Variants in AGK observed in about 807,000 individuals in gnomAD.
AGK encodes acylglycerol kinase, mitochondrial.
Under a neutral mutation model 66.4 loss-of-function variants are expected in AGK, and 52 were observed. The ratio of observed to expected loss-of-function variants is 0.78; its 90% confidence interval spans 0.63 to 0.99. The LOEUF (loss-of-function observed/expected upper bound fraction) is 0.99. Among genes scored for constraint, AGK ranks in the 50% least tolerant of loss-of-function variants. The pLI, the probability that AGK is intolerant of heterozygous loss-of-function variation, is 0.00. For missense variants in AGK, 451 were observed against 506.6 expected (o/e 0.89, Z 1.05); for synonymous variants, 182 against 181.1 (o/e 1.00, Z -0.04).
At chr7:141,593,056 C>A (rs1398983701) in intron 2 of AGK, 90 bp from the exon 3 acceptor site, 7 of 1,061,828 alleles carry the variant, frequency 6.6e-6, no homozygotes, top group African/African-American at 4.8e-5. Context: ...AGAAGAGGTG[C>A]CTATATTAAA....
chr7:141,621,779 CA>C lies in AGK; in HGVS notation c.567del (p.Asp191MetfsTer16). 1 of 1,613,316 alleles carries C rather than the reference CA, an allele frequency of 6.2e-7. No individual in the cohort carries two copies. The highest frequency in any genetic ancestry group is 2.2e-5 in the East Asian group (1 of 44,868). Reference sequence around the variant, plus strand: ...GCCATTGTGAAAGGAGAGACAGTTCCACTTGATGTCTTGCAGATCAAGGTAA... The same window carrying C: ...GCCATTGTGAAAGGAGAGACAGTTCCCTTGATGTCTTGCAGATCAAGGTAA... ...TLAIVKGETVPLDVLQIKGEK... is the reference protein window; with the variant it reads ...TLAIVKGETVXLDVLQIKGEK... On this transcript the variant is annotated frameshift_variant, in exon 9 of 16. Transcript: ENST00000649286. LOFTEE classifies it high-confidence loss of function.
intron 2 of AGK, among the ~76,000 whole-genome samples, chr7:141,571,865 G>C (rs998543915): frequency 6.6e-6 from 1 of 152,138 alleles, no homozygotes; most frequent in African/African-American, 2.4e-5. Flanking sequence ...CACAAAGAAA[G>C]CTCTCAGACA....
chr7:141,601,241 G>T lies in AGK; in HGVS notation c.258G>T (p.Pro86=), dbSNP rs773960062. The T allele has an allele frequency of 6.2e-7, 1 of 1,612,786 alleles. No homozygotes were observed. Among genetic ancestry groups the T allele is most frequent in the East Asian group, 2.2e-5 (1 of 44,782 alleles). The change falls in exon 5 of 16, where the codon CCG becomes CCT. Residue 86 remains proline, a synonymous_variant. Transcript: ENST00000649286. The part of the protein sequence containing the change: ...ARTLFEKNAA[P]ILHLSGMDVT... ...CTCTATTTGAAAAAAATGCTGCCCCGATTTTACATTTATCTGGCATGGATG... is the reference window on the plus strand; with the variant it reads ...CTCTATTTGAAAAAAATGCTGCCCCTATTTTACATTTATCTGGCATGGATG...
At chr7:141,639,408 A>G (rs563171668) in intron 11 of AGK, among the ~76,000 whole-genome samples, 1 of 152,308 alleles carries the variant, frequency 6.6e-6, no homozygotes, top group South Asian at 2.1e-4. Flanking sequence ...GAAAAAGAAA[A>G]GAATGTGAGG....
At chr7:141,582,769 G>A (rs756709497) in intron 2 of AGK, among the ~76,000 whole-genome samples, 47 of 151,962 alleles carry the variant, frequency 3.1e-4, no homozygotes, top group Middle Eastern at 3.4e-3. Context: ...GCCATGGAAC[G>A]AAACTGTAAG....
At chr7:141,651,762 C>T (rs1354478268) in intron 15 of AGK, among the ~76,000 whole-genome samples, 153 bp downstream of exon 15, 2 of 152,110 alleles carry the variant, frequency 1.3e-5, no homozygotes, top group Non-Finnish European at 1.5e-5. Context: ...GTCATATTAG[C>T]GGGGAGCTGA....
intron 2 of AGK, among the ~76,000 whole-genome samples, chr7:141,587,945 T>A (rs1184429041): frequency 6.6e-6 from 1 of 152,238 alleles, no homozygotes; most frequent in Non-Finnish European, 1.5e-5. Flanking sequence ...TGTTCTTCTT[T>A]ACCACTTGAT....
chr7:141,551,733 A>AC lies in AGK; in HGVS notation c.-15+305dup, dbSNP rs569651629. Among the ~76,000 whole-genome samples, 102 of 151,690 alleles carry AC rather than the reference A, an allele frequency of 6.7e-4. 1 individual carries two copies. Among genetic ancestry groups the AC allele is most frequent in the African/African-American group, 1.8e-3 (74 of 41,310 alleles). On this transcript the variant is annotated intron_variant, in intron 1 of 15. Coordinates refer to ENST00000649286, the MANE Select transcript of AGK (RefSeq NM_018238.4). The stretch of plus-strand genomic sequence containing the variant: ...TCCCAGAGCTGTCGCTAACTTGTGG[A>AC]CCCCCCTCACTTCGTCCCTTGGGCT...
intron 2 of AGK, among the ~76,000 whole-genome samples, chr7:141,559,233 G>A (rs1248612050): frequency 6.6e-6 from 1 of 152,064 alleles, no homozygotes; most frequent in Admixed American, 6.6e-5. Flanking sequence ...TTTCTTCTAG[G>A]AGTTTTATAT....
At chr7:141,584,048 C>T (rs193175652) in intron 2 of AGK, among the ~76,000 whole-genome samples, 3 of 152,024 alleles carry the variant, frequency 2.0e-5, no homozygotes, top group South Asian at 2.1e-4. Context: ...AAATTTCACT[C>T]GTGTCCATGT....
At position 141,654,201 on chromosome 7, in the gene AGK, TTAA is replaced by T. The variant is rs1247780821; in HGVS notation, c.*1279_*1281del. 3.9e-5 allele frequency: 6 copies of T among 152,172 alleles called. No homozygotes were observed. The highest frequency in any genetic ancestry group is 1.2e-4 in the African/African-American group (5 of 41,412). The allele number at this position is 152,172 out of a possible 1,614,324, so 9.4% of individuals were successfully genotyped here. A position where few individuals can be genotyped will look rare whatever the true frequency, so the allele number is the denominator to read the frequency against. On this transcript the variant is annotated 3_prime_UTR_variant, in exon 16 of 16. Transcript: ENST00000649286. ...CAGTCCAGAACCAATATTATCGTAATTAATTATTGGTATATAATGAAAACGGTA... is the reference window on the plus strand; with the variant it reads ...CAGTCCAGAACCAATATTATCGTAATTTATTGGTATATAATGAAAACGGTA...
intron 13 of AGK, among the ~76,000 whole-genome samples, chr7:141,647,900 A>G (rs1797456057): frequency 6.6e-6 from 1 of 152,060 alleles, no homozygotes; most frequent in South Asian, 2.1e-4. Flanking sequence ...CGAACTCCTG[A>G]CCTCGGCTGA....
chr7:141,589,274 T>C (rs1796057437), intron 2 of AGK, among the ~76,000 whole-genome samples: 1 of 152,226 alleles, frequency 6.6e-6, no homozygotes, highest in Non-Finnish European at 1.5e-5. Flanking sequence ...GCAAGGTTGT[T>C]ACAAAGATTA....
chr7:141,579,053 AG>A (rs1795820785), intron 2 of AGK, among the ~76,000 whole-genome samples: 2 of 152,052 alleles, frequency 1.3e-5, no homozygotes, highest in African/African-American at 4.8e-5. Context: ...AGAAGATAGT[AG>A]GGATGACAAG....
At chr7:141,613,795 A>G (rs1277432081) in intron 6 of AGK, among the ~76,000 whole-genome samples, 4 of 152,144 alleles carry the variant, frequency 2.6e-5, no homozygotes, top group South Asian at 2.1e-4. Flanking sequence ...TTTTTCCTGT[A>G]TATGTACTTC....
At position 141,596,109 on chromosome 7, in the gene AGK, G is replaced by A. The variant is rs1172257234; in HGVS notation, c.142-453G>A. ...AGAAGAGAAGGCAAATAGAGTATTC[G>A]GTTTATTTTGTATGTGTGTAAACAT... On this transcript the variant is annotated intron_variant, in intron 3 of 15. Transcript: ENST00000649286. Among the ~76,000 whole-genome samples the A allele has an allele frequency of 7.2e-5, 11 of 152,064 alleles. No homozygotes were observed. The South Asian group carries it at 8.3e-4, about 11-fold the overall frequency.
intron 1 of AGK, among the ~76,000 whole-genome samples, chr7:141,553,158 C>T (rs377119752): frequency 1.3e-5 from 2 of 152,180 alleles, no homozygotes; most frequent in South Asian, 2.1e-4. Context: ...TGTCTTCTTG[C>T]TGTATCCTCA....
intron 5 of AGK, among the ~76,000 whole-genome samples, chr7:141,607,263 T>C (rs1004392559): frequency 4.6e-5 from 7 of 152,190 alleles, no homozygotes; most frequent in African/African-American, 1.4e-4. Flanking sequence ...TTTTGTATTA[T>C]TACCACCAGT....
chr7:141,628,662 G>A (rs1393831956), intron 9 of AGK, among the ~76,000 whole-genome samples: 1 of 152,190 alleles, frequency 6.6e-6, no homozygotes, highest in Admixed American at 6.5e-5. Flanking sequence ...TGAGGAAGTC[G>A]AGGTGAGATT....
Sources: gnomAD v4.1 joint callset for allele counts (sites outside exome capture counted in the v4.1 genomes callset) on GRCh38, gnomAD v4.1.1 for gene constraint, MANE v1.5 for transcripts, NCBI Gene and HGNC (gene_info 2026-07-23, HGNC 2026-07-21) for gene names.